Variants in ACOXL observed in about 807,000 individuals in gnomAD.
ACOXL encodes the protein acyl-CoA oxidase like, also known as acyl-coenzyme A oxidase-like protein.
ACOXL carries 70 observed loss-of-function variants against 71.9 expected under a neutral mutation model. That is an observed-to-expected ratio of 0.97 (90% CI 0.80 to 1.19). The LOEUF (loss-of-function observed/expected upper bound fraction) is 1.19. Among genes scored for constraint, ACOXL ranks in the 50% most tolerant of loss-of-function variants. The pLI, the probability that ACOXL is intolerant of heterozygous loss-of-function variation, is 0.00. For synonymous variants in ACOXL, 253 were observed against 281.6 expected (o/e 0.90, Z 1.02); for missense variants, 703 against 736.3 (o/e 0.95, Z 0.52).
Position 110,801,721 on chromosome 2 carries a change from A to G in ACOXL, c.617A>G (p.Asp206Gly), listed in dbSNP as rs1011050943. ...CGGATACCCAGGGAGAACCTGCTGG[A>G]TAAGTGAGTAGTTTCTCCTTAACTC... ...KVRIPRENLL[D>G]KFGSVAPDGQ... The change falls in exon 8 of 18, where the codon GAT becomes GGT. Residue 206 changes from aspartate (D) to glycine (G), a missense_variant. Transcript: ENST00000439055. 2 of 1,613,694 alleles carry G rather than the reference A, an allele frequency of 1.2e-6. No homozygotes were observed. Among genetic ancestry groups the G allele is most frequent in the Non-Finnish European group, 1.7e-6 (2 of 1,179,596 alleles).
chr2:111,084,442 T>C (rs13015135), intron 16 of ACOXL, among the ~76,000 whole-genome samples: 12,270 of 152,240 alleles, frequency 0.081, 613 homozygotes, highest in Non-Finnish European at 0.11. Flanking sequence ...AAAGGCCATT[T>C]TTAGCTATAT....
intron 5 of ACOXL, 122 bp from the exon 6 acceptor site, chr2:110,798,488 C>T (rs577878423): frequency 1.7e-5 from 12 of 703,780 alleles, no homozygotes; most frequent in African/African-American, 8.8e-5. Flanking sequence ...GATCTCCTGA[C>T]CTCGTGATCC....
intron 2 of ACOXL, among the ~76,000 whole-genome samples, chr2:110,781,397 T>G (rs184430075): frequency 6.6e-6 from 1 of 151,748 alleles, no homozygotes; most frequent in East Asian, 2.0e-4. Context: ...ATCCCAGCAC[T>G]TTGGGAGGTG....
chr2:110,774,981 T>G (rs990358279), intron 2 of ACOXL, among the ~76,000 whole-genome samples: 2 of 152,218 alleles, frequency 1.3e-5, no homozygotes, highest in Non-Finnish European at 2.9e-5. Context: ...TAGAGACCAA[T>G]GGAATGGAAT....
intron 16 of ACOXL, among the ~76,000 whole-genome samples, chr2:111,060,278 G>A (rs556709085): frequency 1.3e-5 from 2 of 152,170 alleles, no homozygotes; most frequent in African/African-American, 4.8e-5. Context: ...GGTGGTGTCA[G>A]AGAAGGCCAA....
Position 111,117,957 on chromosome 2 carries a change from C to G in ACOXL, c.*141C>G. 9.6e-7 allele frequency: 1 copy of G among 1,036,740 alleles called. No homozygotes were observed. Among genetic ancestry groups the G allele is most frequent in the Non-Finnish European group, 1.4e-6 (1 of 734,150 alleles). The allele number at this position is 1,036,740 out of a possible 1,614,324, so 64.2% of individuals were successfully genotyped here. ...GGATTTTGGTGGCAAAGCGGAGGTCCCGCCGAGGCTGGCGAGGTGCGCGGC... is the reference window on the plus strand; with the variant it reads ...GGATTTTGGTGGCAAAGCGGAGGTCGCGCCGAGGCTGGCGAGGTGCGCGGC... On this transcript the variant is annotated 3_prime_UTR_variant, in exon 18 of 18. Transcript: ENST00000439055.
intron 11 of ACOXL, among the ~76,000 whole-genome samples, chr2:110,921,783 T>C (rs1010311884): frequency 6.6e-6 from 1 of 152,336 alleles, no homozygotes; most frequent in African/African-American, 2.4e-5. Flanking sequence ...TAAAATTTCC[T>C]TTAAGCATTG....
intron 1 of ACOXL, among the ~76,000 whole-genome samples, chr2:110,739,202 C>T (rs564159509): frequency 1.3e-5 from 2 of 152,114 alleles, no homozygotes; most frequent in African/African-American, 2.4e-5. Context: ...TTGCAAATGG[C>T]GGGGTTTGTT....
chr2:111,076,445 A>G (rs1396106591), intron 16 of ACOXL, among the ~76,000 whole-genome samples: 1 of 151,760 alleles, frequency 6.6e-6, no homozygotes, highest in East Asian at 1.9e-4. Flanking sequence ...TGCTTTGCAT[A>G]TTTTTTGTCC....
At chr2:110,986,154 TAAAC>T (rs1471976046) in intron 12 of ACOXL, among the ~76,000 whole-genome samples, 5 of 152,298 alleles carry the variant, frequency 3.3e-5, no homozygotes, top group Non-Finnish European at 7.4e-5. Flanking sequence ...GGTTAGTAAA[TAAAC>T]AAATAGAATT....
chr2:110,871,762 G>A (rs1005837096), intron 10 of ACOXL, among the ~76,000 whole-genome samples: 4 of 152,124 alleles, frequency 2.6e-5, no homozygotes, highest in African/African-American at 9.7e-5. Context: ...ACGCTGAGAC[G>A]TCTCCCCTGA....
At chr2:110,939,218 T>G (rs1457543916) in intron 12 of ACOXL, among the ~76,000 whole-genome samples, 2 of 152,224 alleles carry the variant, frequency 1.3e-5, no homozygotes, top group African/African-American at 4.8e-5. Flanking sequence ...GCTTCTTGGC[T>G]GAGCAAAGTC....
rs553621492 is a variant in ACOXL, at chr2:110,864,450, A to G, written c.788+23045A>G. 2.6e-5 allele frequency among the ~76,000 whole-genome samples: 4 copies of G among 152,320 alleles called. No individual in the cohort carries two copies. In the South Asian group the frequency reaches 8.3e-4, roughly 32 times the overall value. ...TTGTTTCTCTACAACCAGAAACTCA[A>G]CCATCCAGTGATCCACCCTGGGAGA... is the stretch of plus-strand genomic sequence containing the variant. On this transcript the variant is annotated intron_variant, in intron 10 of 17. Coordinates refer to ENST00000439055, the MANE Select transcript of ACOXL (RefSeq NM_001142807.4).
chr2:110,775,409 A>C (rs1682513655), intron 2 of ACOXL, among the ~76,000 whole-genome samples: 1 of 152,202 alleles, frequency 6.6e-6, no homozygotes. Context: ...CATCAACATC[A>C]AAATCTTTTG....
At chr2:110,902,084 G>A (rs1260514419) in intron 10 of ACOXL, among the ~76,000 whole-genome samples, 3 of 151,934 alleles carry the variant, frequency 2.0e-5, no homozygotes, top group Non-Finnish European at 2.9e-5. Flanking sequence ...GGAATGACAG[G>A]TAAAACACAG....
In ACOXL at chr2:110,968,035, C is replaced by T. The variant is rs146969310; in HGVS notation, c.1060-19073C>T. 1.4e-4 allele frequency: 154 copies of T among 1,089,610 alleles called. 1 individual carries two copies. In the East Asian group the frequency reaches 2.3e-3, roughly 16 times the overall value. 67.5% of individuals were successfully genotyped at this position (1,089,610 alleles called of 1,614,324 possible). ...TATCATTAGTCAGATTGCTTATGCC[C>T]GTATAGAGGGGGATATGATAGTCTG... On this transcript the variant is annotated intron_variant, in intron 12 of 17. Coordinates refer to ENST00000439055, the MANE Select transcript of ACOXL (RefSeq NM_001142807.4).
intron 16 of ACOXL, among the ~76,000 whole-genome samples, chr2:111,063,249 A>C (rs993256023): frequency 6.6e-6 from 1 of 152,204 alleles, no homozygotes; most frequent in African/African-American, 2.4e-5. Flanking sequence ...ATGTAGAAGA[A>C]GAGAGAACTT....
chr2:111,056,523 T>G (rs975656889), intron 16 of ACOXL, among the ~76,000 whole-genome samples: 1 of 152,032 alleles, frequency 6.6e-6, no homozygotes, highest in Non-Finnish European at 1.5e-5. Context: ...GCATGGTGGC[T>G]CACGCCTGTA....
intron 11 of ACOXL, among the ~76,000 whole-genome samples, chr2:110,927,178 C>T (rs544258784): frequency 6.6e-6 from 1 of 152,110 alleles, no homozygotes; most frequent in African/African-American, 2.4e-5. Context: ...CACTTTCAAC[C>T]AACCAGATAT....
Sources: allele counts gnomAD v4.1 joint callset (sites outside exome capture counted in the v4.1 genomes callset), GRCh38; gene constraint gnomAD v4.1.1; transcripts MANE v1.5; gene names NCBI Gene and HGNC (gene_info 2026-07-23, HGNC 2026-07-21).